The following TMEM117 variants were observed in gnomAD, a reference collection of about 807,000 sequenced individuals.
TMEM117 encodes the protein transmembrane protein 117.
A neutral mutation model predicts 52.4 loss-of-function variants in TMEM117; 27 were observed. The observed-to-expected ratio is 0.51, with a 90% confidence interval of 0.38 to 0.71. TMEM117 has a LOEUF of 0.71. Among genes scored for constraint, TMEM117 ranks in the 30% least tolerant of loss-of-function variants. TMEM117 has a pLI of 0.00. For synonymous variants in TMEM117, 215 were observed against 206.3 expected (o/e 1.04, Z -0.36); for missense variants, 556 against 630.5 (o/e 0.88, Z 1.26).
chr12:44,304,987 TG>T (rs1950886853), intron 6 of TMEM117, among the ~76,000 whole-genome samples: 1 of 152,182 alleles, frequency 6.6e-6, no homozygotes, highest in South Asian at 2.1e-4. Context: ...TCAGCCGCAG[TG>T]GGGTAGAGCA....
intron 4 of TMEM117, among the ~76,000 whole-genome samples, chr12:44,154,560 T>G (rs779233827): frequency 2.0e-5 from 3 of 151,996 alleles, no homozygotes; most frequent in Non-Finnish European, 4.4e-5. Context: ...CTAATAATTT[T>G]CAAAACCCAA....
At chr12:44,127,413 G>A (rs984458879) in intron 3 of TMEM117, among the ~76,000 whole-genome samples, 37 of 151,972 alleles carry the variant, frequency 2.4e-4, no homozygotes, top group African/African-American at 7.2e-4. Flanking sequence ...ACGGTGGCGC[G>A]TGCCTGTTAC....
intron 3 of TMEM117, among the ~76,000 whole-genome samples, chr12:44,014,765 C>G (rs1478667986): frequency 3.3e-5 from 5 of 152,240 alleles, no homozygotes; most frequent in East Asian, 3.9e-4. Context: ...TATGTTGACA[C>G]TTTTCTTTCT....
At chr12:44,104,860 C>T (rs1312744084) in intron 3 of TMEM117, among the ~76,000 whole-genome samples, 1 of 151,888 alleles carries the variant, frequency 6.6e-6, no homozygotes, top group Non-Finnish European at 1.5e-5. Context: ...TATCTTTACA[C>T]CTCTGTAGGT....
intron 3 of TMEM117, among the ~76,000 whole-genome samples, chr12:44,141,830 T>C (rs1052686347): frequency 2.0e-5 from 3 of 152,140 alleles, no homozygotes; most frequent in Non-Finnish European, 2.9e-5. Context: ...TCAACATGAA[T>C]TGAAACTCAA....
intron 5 of TMEM117, among the ~76,000 whole-genome samples, chr12:44,280,734 A>G (rs999010401): frequency 3.3e-4 from 50 of 151,758 alleles, no homozygotes; most frequent in Non-Finnish European, 1.0e-4. Context: ...CCTTGCCTAC[A>G]TGACAATATA....
chr12:44,265,249 A>G (rs550986939), intron 5 of TMEM117, among the ~76,000 whole-genome samples: 29 of 152,316 alleles, frequency 1.9e-4, no homozygotes, highest in African/African-American at 6.5e-4. Flanking sequence ...CCAGAAACAA[A>G]GGAAGGGCCA....
At chr12:43,940,312 G>A (rs1945023779) in intron 2 of TMEM117, among the ~76,000 whole-genome samples, 1 of 152,130 alleles carries the variant, frequency 6.6e-6, no homozygotes, top group African/African-American at 2.4e-5. Flanking sequence ...AGACTCTTTA[G>A]TGTATTTCTT....
intron 6 of TMEM117, among the ~76,000 whole-genome samples, chr12:44,311,895 G>GTATATA (rs1490191706): frequency 0.012 from 1,560 of 131,536 alleles, 76 homozygotes; most frequent in Admixed American, 0.017. Flanking sequence ...GTATATATAT[G>GTATATA]TGTATATATA....
chr12:44,201,926 T>G (rs1049483562), intron 4 of TMEM117, among the ~76,000 whole-genome samples: 7 of 152,092 alleles, frequency 4.6e-5, no homozygotes, highest in Non-Finnish European at 2.9e-5. Flanking sequence ...TTTCTCATTT[T>G]TTATAGATGA....
chr12:44,288,459 T>C (rs1301623284), intron 5 of TMEM117, among the ~76,000 whole-genome samples: 1 of 152,106 alleles, frequency 6.6e-6, no homozygotes, highest in Non-Finnish European at 1.5e-5. Context: ...TTTGTCAAAA[T>C]GGAAGTACAT....
At chr12:44,115,624 GT>G (rs987715702) in intron 3 of TMEM117, among the ~76,000 whole-genome samples, 4 of 151,940 alleles carry the variant, frequency 2.6e-5, no homozygotes, top group Non-Finnish European at 5.9e-5. Flanking sequence ...TCCCACCGTA[GT>G]TTTATTCTGT....
intron 6 of TMEM117, among the ~76,000 whole-genome samples, chr12:44,324,844 T>C (rs1439390138): frequency 6.6e-6 from 1 of 152,192 alleles, no homozygotes; most frequent in African/African-American, 2.4e-5. Context: ...TCTCTATTGT[T>C]AAATATTTGT....
intron 2 of TMEM117, among the ~76,000 whole-genome samples, chr12:43,928,313 G>T (rs886801925): frequency 3.3e-5 from 5 of 151,734 alleles, no homozygotes; most frequent in African/African-American, 1.2e-4. Flanking sequence ...AATAATGTTT[G>T]TCTAGATTTG....
At chr12:43,994,904 TATCTC>T (rs1344172343) in intron 3 of TMEM117, among the ~76,000 whole-genome samples, 8 of 152,180 alleles carry the variant, frequency 5.3e-5, no homozygotes, top group Admixed American at 6.5e-5. Context: ...TATCATGTGT[TATCTC>T]ATCCAATCCA....
chr12:43,835,590 G>C (rs1290354845), upstream of TMEM117, among the ~76,000 whole-genome samples: 1 of 152,084 alleles, frequency 6.6e-6, no homozygotes, highest in African/African-American at 2.4e-5. Context: ...ACCACCAACA[G>C]ACAAAAACAG....
intron 5 of TMEM117, among the ~76,000 whole-genome samples, chr12:44,269,222 A>G (rs1207591192): frequency 1.4e-4 from 22 of 152,138 alleles, no homozygotes; most frequent in Admixed American, 1.4e-3. Context: ...AATGGTAAAA[A>G]CAAAAATAAA....
At chr12:44,284,752 T>G (rs904416214) in intron 5 of TMEM117, among the ~76,000 whole-genome samples, 1 of 152,254 alleles carries the variant, frequency 6.6e-6, no homozygotes. Context: ...TAGCAGTCAT[T>G]GGTAATCAAT....
chr12:44,260,239 G>A (rs1267375220), intron 5 of TMEM117, among the ~76,000 whole-genome samples: 1 of 152,148 alleles, frequency 6.6e-6, no homozygotes, highest in Non-Finnish European at 1.5e-5. Context: ...AGTTACCACC[G>A]TATTTACACT....
Sources: allele counts gnomAD v4.1 joint callset (sites outside exome capture counted in the v4.1 genomes callset), GRCh38; gene constraint gnomAD v4.1.1; transcripts MANE v1.5; gene names NCBI Gene and HGNC (gene_info 2026-07-23, HGNC 2026-07-21).